The following PCDH17 variants were observed in gnomAD, a reference collection of about 807,000 sequenced individuals.
PCDH17 encodes protocadherin 17, also known as protocadherin-17.
Under a neutral mutation model 67.7 loss-of-function variants are expected in PCDH17, and 21 were observed. That is an observed-to-expected ratio of 0.31 (90% confidence interval 0.22 to 0.45). The LOEUF (loss-of-function observed/expected upper bound fraction) is 0.45, where lower values mean the gene tolerates loss of function less well. Ranked by LOEUF, PCDH17 falls within the 20% of genes least tolerant of loss-of-function variation. The pLI is 1.00. For missense variants in PCDH17, 1,471 were observed against 1,564.8 expected (o/e 0.94, Z 1.01); for synonymous variants, 701 against 656.7 (o/e 1.07, Z -1.03).
chr13:57,656,876 C>G (rs945934573), intron 1 of PCDH17, among the ~76,000 whole-genome samples: 1 of 152,132 alleles, frequency 6.6e-6, no homozygotes, highest in African/African-American at 2.4e-5. Context: ...AATTTCTGTC[C>G]TCATGGCACA....
chr13:57,717,956 A>G (rs999364154), intron 3 of PCDH17, among the ~76,000 whole-genome samples: 2 of 152,012 alleles, frequency 1.3e-5, no homozygotes. Flanking sequence ...TCCTCATTAT[A>G]TCACTGCCAA....
chr13:57,633,976 A>G lies in PCDH17; in HGVS notation c.1430A>G (p.Tyr477Cys). 1.9e-6 allele frequency: 3 copies of G among 1,613,600 alleles called. No homozygotes were observed. Among genetic ancestry groups the G allele is most frequent in the Non-Finnish European group, 2.5e-6 (3 of 1,180,028 alleles). Residue 477 changes from tyrosine to cysteine, a missense_variant, in exon 1 of 4, where the codon TAC becomes TGC. Transcript: ENST00000377918. This position sits in a 1 kb window ranked among gnomAD's most constrained non-coding sequence, Gnocchi z 6.2. The stretch of plus-strand genomic sequence containing the variant: ...CCGCCTCGGTTCACCAAAGGGCTCT[A>G]CGTGCTTCAGGTGCACGAGAACAAC... ...DNPPRFTKGL[Y>C]VLQVHENNIP...
chr13:57,642,937 A>G (rs1416994420), intron 1 of PCDH17, among the ~76,000 whole-genome samples: 1 of 151,614 alleles, frequency 6.6e-6, no homozygotes, highest in Non-Finnish European at 1.5e-5. Context: ...TCAGTTTTGA[A>G]CATCTAAAAG....
In PCDH17 at chr13:57,634,750, A is replaced by T; in HGVS notation, c.2204A>T (p.Lys735Met). 2 of 1,613,986 alleles carry T rather than the reference A, an allele frequency of 1.2e-6. No homozygotes were observed. The highest frequency in any genetic ancestry group is 1.7e-6 in the Non-Finnish European group (2 of 1,180,012). The change falls in exon 1 of 4, where the codon AAG becomes ATG. Residue 735 changes from lysine to methionine, a missense_variant. Transcript: ENST00000377918. The surrounding 1 kb of genome is among the most constrained non-coding windows in gnomAD (Gnocchi z 7.8). ...GCCGTCAAGTGCAAGCGCGAGAACA[A>T]GGAGATCCGCACTTACAACTGCCGC... ...TIAVKCKREN[K>M]EIRTYNCRIA...
chr13:57,669,216 A>G (rs1955292068), intron 3 of PCDH17, among the ~76,000 whole-genome samples: 1 of 152,088 alleles, frequency 6.6e-6, no homozygotes, highest in Non-Finnish European at 1.5e-5. Flanking sequence ...GATTTGATTT[A>G]TTCATTCATT....
chr13:57,685,730 TG>T (rs1465400592), intron 3 of PCDH17, among the ~76,000 whole-genome samples: 4 of 151,934 alleles, frequency 2.6e-5, no homozygotes, highest in Non-Finnish European at 5.9e-5. Flanking sequence ...GGAGTCAGAT[TG>T]TGGATGGGAT....
chr13:57,664,530 G>A (rs1227780520), intron 1 of PCDH17, among the ~76,000 whole-genome samples: 3 of 152,074 alleles, frequency 2.0e-5, no homozygotes, highest in Non-Finnish European at 4.4e-5. Flanking sequence ...GTGTCTAAAC[G>A]AATAGGGATC....
chr13:57,718,277 GA>G (rs1259554859), intron 3 of PCDH17, among the ~76,000 whole-genome samples: 2 of 151,708 alleles, frequency 1.3e-5, no homozygotes, highest in Admixed American at 1.3e-4. Flanking sequence ...TTGGAAGTAG[GA>G]AAAAAATTCC....
intron 3 of PCDH17, among the ~76,000 whole-genome samples, chr13:57,687,862 C>T (rs1269503210): frequency 6.6e-6 from 1 of 151,910 alleles, no homozygotes; most frequent in Admixed American, 6.6e-5. Context: ...GGAGGGAGCT[C>T]CCCCAGTGGA....
intron 3 of PCDH17, among the ~76,000 whole-genome samples, chr13:57,714,663 C>T: frequency 6.6e-6 from 1 of 151,678 alleles, no homozygotes. Context: ...TACTGCATGC[C>T]AGAGCATAGG....
intron 3 of PCDH17, among the ~76,000 whole-genome samples, chr13:57,710,521 T>C (rs1200856762): frequency 6.6e-6 from 1 of 151,844 alleles, no homozygotes; most frequent in South Asian, 2.1e-4. Flanking sequence ...CACATTAACA[T>C]TTGAAACAAC....
chr13:57,669,235 A>G (rs191469326), intron 3 of PCDH17, among the ~76,000 whole-genome samples: 2 of 152,268 alleles, frequency 1.3e-5, no homozygotes, highest in Admixed American at 1.3e-4. Flanking sequence ...TTTAATAAAT[A>G]TCTAGTAAGT....
At chr13:57,638,554 A>G (rs937305433) in intron 1 of PCDH17, among the ~76,000 whole-genome samples, 3 of 152,108 alleles carry the variant, frequency 2.0e-5, no homozygotes, top group Non-Finnish European at 4.4e-5. Context: ...TTGAAAAGGA[A>G]TACATTCTTA....
chr13:57,707,662 G>T (rs1399834433), intron 3 of PCDH17, among the ~76,000 whole-genome samples: 1 of 152,016 alleles, frequency 6.6e-6, no homozygotes, highest in African/African-American at 2.4e-5. Flanking sequence ...AAAAATGACA[G>T]AAATTTATTA....
chr13:57,632,109 T>G lies in PCDH17; in HGVS notation c.-438T>G. ...GTATTCCGGAGTCTCCGGGCGGGAG[T>G]AGATTTGCAGCACCCTAGCGGGAGC... On this transcript the variant is annotated 5_prime_UTR_variant, in exon 1 of 4. Transcript: ENST00000377918. The G allele has an allele frequency of 9.7e-6, 2 of 207,232 alleles. No individual in the cohort carries two copies. Among genetic ancestry groups the G allele is most frequent in the Non-Finnish European group, 1.9e-5 (2 of 102,900 alleles). 12.8% of individuals were successfully genotyped at this position (207,232 alleles called of 1,614,324 possible).
chr13:57,682,335 C>A (rs1454699186), intron 3 of PCDH17, among the ~76,000 whole-genome samples: 1 of 151,652 alleles, frequency 6.6e-6, no homozygotes, highest in Non-Finnish European at 1.5e-5. Flanking sequence ...CCCAGGCTAC[C>A]CTTCTTACTC....
chr13:57,668,634 G>A (rs1242183260), intron 3 of PCDH17, among the ~76,000 whole-genome samples: 1 of 151,994 alleles, frequency 6.6e-6, no homozygotes, highest in Non-Finnish European at 1.5e-5. Flanking sequence ...GAAGTCTAGG[G>A]AAGGTGGCTA....
At chr13:57,722,255 AATTC>A (rs1455734268) in intron 3 of PCDH17, among the ~76,000 whole-genome samples, 1 of 152,164 alleles carries the variant, frequency 6.6e-6, no homozygotes, top group Non-Finnish European at 1.5e-5. Flanking sequence ...ATTCATACTG[AATTC>A]ATTCAGTGTT....
Position 57,633,068 on chromosome 13 carries a change from C to A in PCDH17, c.522C>A (p.Asp174Glu). 2 of 1,613,346 alleles carry A rather than the reference C, an allele frequency of 1.2e-6. No homozygotes were observed. The highest frequency in any genetic ancestry group is 1.1e-5 in the South Asian group (1 of 91,076). The change falls in exon 1 of 4, where the codon GAC becomes GAA. Residue 174 changes from aspartate (D) to glutamate (E), a missense_variant. Around this residue, in one of 3 missense-constraint regions of PCDH17, gnomAD observed 1,163 missense variants for 1,230.0 expected, o/e 0.95. Coordinates refer to ENST00000377918, the MANE Select transcript of PCDH17 (RefSeq NM_001040429.3). This position sits in a 1 kb window ranked among gnomAD's most constrained non-coding sequence, Gnocchi z 6.2. ...NGLRTYLLTR[D>E]DHGLFGLDVK... ...TCCGCACCTACCTGCTCACGCGCGACGATCACGGCCTCTTTGGACTGGACG... is the reference window on the plus strand; with the variant it reads ...TCCGCACCTACCTGCTCACGCGCGAAGATCACGGCCTCTTTGGACTGGACG...
Sources: gnomAD v4.1 joint callset for allele counts (sites outside exome capture counted in the v4.1 genomes callset) on GRCh38, gnomAD v4.1.1 for gene constraint, gnomAD v4.1.1 regional missense constraint, Gnocchi (gnomAD v3.1) non-coding constraint, MANE v1.5 for transcripts, NCBI Gene and HGNC (gene_info 2026-07-23, HGNC 2026-07-21) for gene names.